The following CCDC85A variants were observed in gnomAD, a reference collection of about 807,000 sequenced individuals.
CCDC85A encodes the protein coiled-coil domain-containing protein 85A.
CCDC85A carries 38 observed loss-of-function variants against 50.2 expected under a neutral mutation model. The ratio of observed to expected loss-of-function variants is 0.76; its 90% CI spans 0.58 to 0.99. CCDC85A has a LOEUF of 0.99. CCDC85A is among the 50% of genes least tolerant of loss of function. CCDC85A has a pLI of 0.00. For synonymous variants in CCDC85A, 366 were observed against 301.4 expected (o/e 1.21, Z -2.22); for missense variants, 820 against 742.0 (o/e 1.11, Z -1.22).
intron 2 of CCDC85A, among the ~76,000 whole-genome samples, chr2:56,214,291 A>C (rs1009638546): frequency 6.6e-6 from 1 of 151,930 alleles, no homozygotes; most frequent in African/African-American, 2.4e-5. Context: ...ATATTAAGTG[A>C]GTATGAAGAG....
rs553071115 is a variant in CCDC85A at position 56,355,393 on chromosome 2, A to T, written c.1317+12438A>T. ...GAAAGCACTGTATTCTTCTTAATTCACGTGTGTCTATAGTCTATTTCTTAC... is the reference window on the plus strand; with the variant it reads ...GAAAGCACTGTATTCTTCTTAATTCTCGTGTGTCTATAGTCTATTTCTTAC... On this transcript the variant is annotated intron_variant, in intron 3 of 5. Transcript: ENST00000407595. Among the ~76,000 whole-genome samples, 11 of 152,188 alleles carry T rather than the reference A, an allele frequency of 7.2e-5. No individual in the cohort carries two copies. In the South Asian group the frequency reaches 2.3e-3, roughly 32 times the overall value.
intron 3 of CCDC85A, among the ~76,000 whole-genome samples, chr2:56,353,036 T>A (rs1411153895): frequency 6.6e-6 from 1 of 152,206 alleles, no homozygotes; most frequent in Non-Finnish European, 1.5e-5. Flanking sequence ...ATACTCAGAT[T>A]CCTTAAAACC....
At chr2:56,269,620 A>G (rs542581375) in intron 2 of CCDC85A, among the ~76,000 whole-genome samples, 21 of 152,266 alleles carry the variant, frequency 1.4e-4, no homozygotes, top group Admixed American at 1.0e-3. Flanking sequence ...TTCCCTCACC[A>G]ACAACTCCAT....
chr2:56,184,645 CGCGGCGGCG>C lies in CCDC85A; in HGVS notation c.24_32del (p.Ala13_Ala15del), dbSNP rs1374885062. The C allele has an allele frequency of 7.0e-7, 1 of 1,438,206 alleles. No individual in the cohort carries two copies. Among genetic ancestry groups the C allele is most frequent in the Non-Finnish European group, 9.0e-7 (1 of 1,109,154 alleles). 89.1% of individuals were successfully genotyped at this position (1,438,206 alleles called of 1,614,324 possible). A position where few individuals can be genotyped will look rare whatever the true frequency, so the allele number is the denominator to read the frequency against. ...ATACCATGTCGAAGGCGGCCGGAGG[CGCGGCGGCG>C]GCTGCGGCGGCGGCGGAAAGTTGTT... is the stretch of plus-strand genomic sequence containing the variant. On this transcript the variant is annotated inframe_deletion, in exon 1 of 6. Coordinates refer to ENST00000407595, the MANE Select transcript of CCDC85A (RefSeq NM_001080433.2).
chr2:56,342,525 A>G (rs929721758), intron 2 of CCDC85A, among the ~76,000 whole-genome samples: 1 of 152,112 alleles, frequency 6.6e-6, no homozygotes, highest in Admixed American at 6.5e-5. Flanking sequence ...TTATTTGTCT[A>G]GTGTGTTTCC....
chr2:56,329,149 C>G (rs192090338), intron 2 of CCDC85A, among the ~76,000 whole-genome samples: 95 of 152,312 alleles, frequency 6.2e-4, no homozygotes, highest in Non-Finnish European at 7.2e-4. Flanking sequence ...TCAGCCACTA[C>G]TCTTCTCTGA....
intron 5 of CCDC85A, among the ~76,000 whole-genome samples, chr2:56,382,909 G>C (rs1676657677): frequency 1.3e-5 from 2 of 152,080 alleles, no homozygotes; most frequent in Admixed American, 1.3e-4. Context: ...TTAAGGGCTA[G>C]AAAAGGAAAG....
chr2:56,365,289 A>G (rs1558660901), intron 3 of CCDC85A, among the ~76,000 whole-genome samples: 3 of 152,252 alleles, frequency 2.0e-5, no homozygotes, highest in Non-Finnish European at 4.4e-5. Flanking sequence ...TTTGTTTATT[A>G]GGATAGATAC....
chr2:56,283,379 C>T (rs1671291811), intron 2 of CCDC85A, among the ~76,000 whole-genome samples: 1 of 152,194 alleles, frequency 6.6e-6, no homozygotes, highest in South Asian at 2.1e-4. Context: ...GACAATATGG[C>T]TTTTCTTCTT....
At chr2:56,287,168 TCTTCA>T (rs1671483536) in intron 2 of CCDC85A, among the ~76,000 whole-genome samples, 1 of 152,288 alleles carries the variant, frequency 6.6e-6, no homozygotes, top group East Asian at 1.9e-4. Context: ...AGAGTTTCAC[TCTTCA>T]CTTTTGTAAC....
chr2:56,357,776 C>G (rs1211992922), intron 3 of CCDC85A, among the ~76,000 whole-genome samples: 1 of 149,690 alleles, frequency 6.7e-6, no homozygotes, highest in African/African-American at 2.5e-5. Context: ...TTACAAGCAT[C>G]TGTAACCCTT....
intron 4 of CCDC85A, among the ~76,000 whole-genome samples, chr2:56,373,072 C>T (rs1053096569): frequency 6.6e-6 from 1 of 152,142 alleles, no homozygotes; most frequent in Admixed American, 6.5e-5. Flanking sequence ...AGAAAACTAA[C>T]CTTTTATTTT....
chr2:56,229,519 C>G (rs1242307154), intron 2 of CCDC85A, among the ~76,000 whole-genome samples: 2 of 151,998 alleles, frequency 1.3e-5, no homozygotes, highest in Admixed American at 6.6e-5. Context: ...GTACTGGTAG[C>G]AAGCCTGGCC....
rs564091930 is a variant in CCDC85A at position 56,200,580 on chromosome 2, T to G, written c.1240+7140T>G. On this transcript the variant is annotated intron_variant, in intron 2 of 5. Coordinates refer to ENST00000407595, the MANE Select transcript of CCDC85A (RefSeq NM_001080433.2). The stretch of plus-strand genomic sequence containing the variant: ...CTCTTTAGAGTGCCGTTCAAGTGTT[T>G]CCAATAGAAAGAACCTCTGCTCTTT... Among the ~76,000 whole-genome samples, 16 of 152,318 alleles carry G rather than the reference T, an allele frequency of 1.1e-4. No individual in the cohort carries two copies. In the South Asian group the frequency reaches 2.9e-3, roughly 28 times the overall value.
intron 2 of CCDC85A, among the ~76,000 whole-genome samples, chr2:56,320,883 A>G (rs1343288661): frequency 1.3e-5 from 2 of 152,120 alleles, no homozygotes; most frequent in Non-Finnish European, 2.9e-5. Flanking sequence ...TCAATGCAAA[A>G]ATCCTCAATA....
At position 56,364,168 on chromosome 2, in the gene CCDC85A, A is replaced by G. The variant is rs150910856; in HGVS notation, c.1318-8176A>G. 3.3e-3 allele frequency among the ~76,000 whole-genome samples: 504 copies of G among 152,084 alleles called. 4 individuals carry two copies. The highest frequency in any genetic ancestry group is 0.011 in the African/African-American group (464 of 41,488). Reference sequence around the variant, plus strand: ...TTTCTTTTTTTCAACCAGGCCTTCAATGTTATTCTTTATCTGCCGTCACTC... The same window carrying G: ...TTTCTTTTTTTCAACCAGGCCTTCAGTGTTATTCTTTATCTGCCGTCACTC... On this transcript the variant is annotated intron_variant, in intron 3 of 5. Transcript: ENST00000407595.
In CCDC85A at chr2:56,184,683, C is replaced by T. The variant is rs1436803428; in HGVS notation, c.59C>T (p.Pro20Leu). Residue 20 changes from proline to leucine, a missense_variant, in exon 1 of 6, where the codon CCA becomes CTA. Pro to Leu is a moderately conservative substitution (Grantham distance 98). Transcript: ENST00000407595. The part of the protein sequence containing the change: ...AAAAAAESCS[P>L]APAGSSAAPP... ...GCGGCGGCGGCGGAAAGTTGTTCCCCAGCCCCGGCCGGCTCGTCCGCGGCC... is the reference window on the plus strand; with the variant it reads ...GCGGCGGCGGCGGAAAGTTGTTCCCTAGCCCCGGCCGGCTCGTCCGCGGCC... The T allele has an allele frequency of 4.6e-6, 7 of 1,511,716 alleles. No individual in the cohort carries two copies. The highest frequency in any genetic ancestry group is 6.2e-6 in the Non-Finnish European group (7 of 1,135,304). The allele number at this position is 1,511,716 out of a possible 1,614,324, so 93.6% of individuals were successfully genotyped here.
At chr2:56,235,334 A>G (rs1668959005) in intron 2 of CCDC85A, 1 of 152,182 alleles carries the variant, frequency 6.6e-6, no homozygotes, top group Admixed American at 6.6e-5. Flanking sequence ...CGCAGACAGC[A>G]TAGGTAGTTT....
At chr2:56,327,541 T>C (rs1269926576) in intron 2 of CCDC85A, among the ~76,000 whole-genome samples, 1 of 152,146 alleles carries the variant, frequency 6.6e-6, no homozygotes, top group Non-Finnish European at 1.5e-5. Context: ...TTATGCTAAA[T>C]CAGTATGGTT....
Sources: allele counts gnomAD v4.1 joint callset (sites outside exome capture counted in the v4.1 genomes callset), GRCh38; gene constraint gnomAD v4.1.1; transcripts MANE v1.5; gene names NCBI Gene and HGNC (gene_info 2026-07-23, HGNC 2026-07-21).